Variants in MKLN1 observed in about 807,000 individuals in gnomAD.
MKLN1 encodes the protein muskelin.
Under a neutral mutation model 99.0 loss-of-function variants are expected in MKLN1, and 18 were observed. The ratio of observed to expected loss-of-function variants is 0.18; its 90% confidence interval spans 0.13 to 0.27. The LOEUF (loss-of-function observed/expected upper bound fraction) is 0.27. Ranked by LOEUF, MKLN1 falls within the 10% of genes least tolerant of loss-of-function variation. The probability of loss-of-function intolerance (pLI) is 1.00; values close to 1 mark genes in which losing one functional copy is unlikely to be tolerated. For synonymous variants in MKLN1, 288 were observed against 293.2 expected, an observed-to-expected ratio of 0.98 and a Z score of 0.18; for missense variants, 621 against 875.9, an observed-to-expected ratio of 0.71 and a Z score of 3.67.
intron 3 of MKLN1, among the ~76,000 whole-genome samples, chr7:131,255,688 C>G (rs556706408): frequency 7.9e-5 from 12 of 151,996 alleles, no homozygotes; most frequent in Admixed American, 2.0e-4. Flanking sequence ...AAGTAATTCT[C>G]CTGCCTCAGC....
At chr7:131,223,809 A>G (rs1179636352) in intron 3 of MKLN1, among the ~76,000 whole-genome samples, 8 of 151,822 alleles carry the variant, frequency 5.3e-5, no homozygotes, top group Admixed American at 5.3e-4. Flanking sequence ...CTCTGTTGCC[A>G]AGGCTGGAGT....
intron 2 of MKLN1, among the ~76,000 whole-genome samples, chr7:131,178,279 CTTTTTTTTTTTTT>C (rs35412933): frequency 9.6e-5 from 7 of 72,558 alleles, no homozygotes; most frequent in Admixed American, 1.8e-4. Flanking sequence ...ACATGCCCGG[CTTTTTTTTTTTTT>C]TTTTTTTTTT....
chr7:131,457,353 G>A (rs867034934), intron 12 of MKLN1, among the ~76,000 whole-genome samples: 2 of 151,316 alleles, frequency 1.3e-5, no homozygotes, highest in Non-Finnish European at 2.9e-5. Context: ...GAACACACTA[G>A]TAATATGAAA....
upstream of MKLN1, among the ~76,000 whole-genome samples, chr7:131,326,171 T>G (rs913245589): frequency 1.3e-5 from 2 of 152,112 alleles, no homozygotes; most frequent in Non-Finnish European, 2.9e-5. Flanking sequence ...AAAGTGTCTA[T>G]TTTCTTCAAA....
At chr7:131,326,010 T>G (rs1235453130), upstream of MKLN1, among the ~76,000 whole-genome samples, 1 of 152,064 alleles carries the variant, frequency 6.6e-6, no homozygotes, top group Admixed American at 6.6e-5. Flanking sequence ...GGATTTAAGC[T>G]TAAGAAGAAC....
chr7:131,392,316 C>T (rs1004944988), intron 4 of MKLN1, among the ~76,000 whole-genome samples: 19 of 152,118 alleles, frequency 1.2e-4, no homozygotes, highest in East Asian at 1.9e-4. Flanking sequence ...CTTCAGAGAG[C>T]GGCTTTAACT....
chr7:131,300,267 G>A (rs1362470114), intron 3 of MKLN1, among the ~76,000 whole-genome samples: 1 of 151,992 alleles, frequency 6.6e-6, no homozygotes, highest in African/African-American at 2.4e-5. Context: ...CGAGGTTGGA[G>A]AGCAGGTGAA....
At chr7:131,145,663 A>G (rs1265418777) in intron 2 of MKLN1, among the ~76,000 whole-genome samples, 4 of 152,252 alleles carry the variant, frequency 2.6e-5, no homozygotes, top group Non-Finnish European at 5.9e-5. Flanking sequence ...TAACTAGCAT[A>G]TGTAGCTACC....
intron 12 of MKLN1, among the ~76,000 whole-genome samples, chr7:131,462,897 A>G (rs1197784103): frequency 6.6e-6 from 1 of 152,148 alleles, no homozygotes; most frequent in Non-Finnish European, 1.5e-5. Context: ...TGAGGCAGGA[A>G]TATTGCTTAA....
At chr7:131,373,123 T>C (rs1418379955) in intron 1 of MKLN1, among the ~76,000 whole-genome samples, 1 of 152,086 alleles carries the variant, frequency 6.6e-6, no homozygotes, top group African/African-American at 2.4e-5. Flanking sequence ...ATTTTTCTCC[T>C]GAAAAGTTAC....
intron 3 of MKLN1, among the ~76,000 whole-genome samples, chr7:131,203,879 G>C (rs1020535681): frequency 6.6e-6 from 1 of 152,088 alleles, no homozygotes; most frequent in Non-Finnish European, 1.5e-5. Flanking sequence ...ACCAGAGATT[G>C]CTGGATCCTA....
At chr7:131,275,567 ATT>A (rs869119196) in intron 3 of MKLN1, among the ~76,000 whole-genome samples, 61 of 5,616 alleles carry the variant, frequency 0.011, 2 homozygotes, top group South Asian at 0.025. Flanking sequence ...ATATATATAT[ATT>A]TTTTTTTTTT....
rs183875971 is a variant in MKLN1 at position 131,289,852 on chromosome 7, C to A, written c.-178-85572C>A. Among the ~76,000 whole-genome samples, 5 of 152,322 alleles carry A rather than the reference C, an allele frequency of 3.3e-5. 1 individual carries two copies. Among genetic ancestry groups the A allele is most frequent in the Admixed American group, 3.3e-4 (5 of 15,306 alleles). On this transcript the variant is annotated intron_variant, in intron 3 of 7. Transcript: ENST00000416992. The stretch of plus-strand genomic sequence containing the variant: ...TTCCCCCCATTCACTACATTCCAGC[C>A]ACATTGGCCTCATTGCTGCACCTCC...
intron 2 of MKLN1, among the ~76,000 whole-genome samples, chr7:131,144,988 A>G (rs1013064013): frequency 6.6e-6 from 1 of 151,410 alleles, no homozygotes; most frequent in Non-Finnish European, 1.5e-5. Context: ...CCAACCAGCA[A>G]CAACAACCAC....
intron 16 of MKLN1, among the ~76,000 whole-genome samples, chr7:131,474,549 G>A (rs955000306): frequency 6.6e-6 from 1 of 152,138 alleles, no homozygotes; most frequent in African/African-American, 2.4e-5. Flanking sequence ...AGATTGTTAA[G>A]ATAATAGTTT....
At chr7:131,146,275 A>G (rs1429511333) in intron 2 of MKLN1, among the ~76,000 whole-genome samples, 2 of 152,124 alleles carry the variant, frequency 1.3e-5, no homozygotes, top group Non-Finnish European at 2.9e-5. Flanking sequence ...CCAGGAGTTC[A>G]AGACTGCAGT....
chr7:131,358,067 T>C (rs534512133), intron 1 of MKLN1, among the ~76,000 whole-genome samples: 1 of 152,290 alleles, frequency 6.6e-6, no homozygotes, highest in South Asian at 2.1e-4. Flanking sequence ...CCCCCGCTTA[T>C]CTTATTGGAT....
At chr7:131,440,418 A>G (rs1795804450) in intron 10 of MKLN1, among the ~76,000 whole-genome samples, 1 of 152,216 alleles carries the variant, frequency 6.6e-6, no homozygotes, top group African/African-American at 2.4e-5. Context: ...GAGAACATCC[A>G]CCTTCTATAG....
chr7:131,199,843 G>A (rs1202270611), intron 2 of MKLN1, among the ~76,000 whole-genome samples: 5 of 151,992 alleles, frequency 3.3e-5, no homozygotes, highest in African/African-American at 9.7e-5. Flanking sequence ...ACAGGTGCGT[G>A]CCACCATGCC....
Sources: allele counts gnomAD v4.1 joint callset (sites outside exome capture counted in the v4.1 genomes callset), GRCh38; gene constraint gnomAD v4.1.1; transcripts MANE v1.5; gene names NCBI Gene and HGNC (gene_info 2026-07-23, HGNC 2026-07-21).